Variants in BDNF observed in about 807,000 individuals in gnomAD.
BDNF encodes brain derived neurotrophic factor.
A neutral mutation model predicts 19.5 loss-of-function variants in BDNF; 1 was observed. The observed-to-expected ratio is 0.05, with a 90% confidence interval of 0.02 to 0.24. The LOEUF (loss-of-function observed/expected upper bound fraction) is 0.24, where lower values mean the gene tolerates loss of function less well. BDNF is among the 10% of genes least tolerant of loss of function. The pLI is 1.00. For synonymous variants in BDNF, 100 were observed against 121.6 expected (o/e 0.82, Z 1.17); for missense variants, 195 against 317.6 (o/e 0.61, Z 2.93).
chr11:27,701,867 C>A (rs1227908110), upstream of BDNF, among the ~76,000 whole-genome samples: 1 of 152,120 alleles, frequency 6.6e-6, no homozygotes, highest in Non-Finnish European at 1.5e-5. Flanking sequence ...AATAACGAAC[C>A]AGGGCAGCCA....
intron 1 of BDNF, among the ~76,000 whole-genome samples, chr11:27,689,613 G>A (rs1051752516): frequency 1.2e-4 from 19 of 152,210 alleles, no homozygotes; most frequent in Admixed American, 3.3e-4. Context: ...CAGTGACAGT[G>A]AAGGTTCTCC....
chr11:27,719,013 G>GGGTTAT, intron 1 of BDNF, among the ~76,000 whole-genome samples: 1 of 152,246 alleles, frequency 6.6e-6, no homozygotes, highest in Non-Finnish European at 1.5e-5. Flanking sequence ...GTGGGGGTGA[G>GGGTTAT]GGTTATAGGA....
In BDNF at chr11:27,665,529, A is replaced by G. The variant is rs1216236583; in HGVS notation, c.-21-6944T>C. On this transcript the variant is annotated intron_variant, in intron 1 of 1. Transcript: ENST00000356660. ...TTCCCTTTCCTAGCCAAGGGAAGCC[A>G]TGACTGACGGTACCTGGAAAATCAG... is the stretch of plus-strand genomic sequence containing the variant. 3.3e-5 allele frequency: 5 copies of G among 152,374 alleles called. 1 individual carries two copies. The highest frequency in any genetic ancestry group is 3.3e-4 in the Admixed American group (5 of 15,280). 9.4% of individuals were successfully genotyped at this position (152,374 alleles called of 1,614,324 possible). A position where few individuals can be genotyped will look rare whatever the true frequency, so the allele number is the denominator to read the frequency against.
Position 27,670,661 on chromosome 11 carries a change from CTCA to C in BDNF, c.-21-12079_-21-12077del, listed in dbSNP as rs1186798711. ...TAGCCAAAAGACACATGAAAAAATG[CTCA>C]TCATCACTGGCCATCAGAGAAATGC... On this transcript the variant is annotated intron_variant, in intron 1 of 1. Transcript: ENST00000356660. Among the ~76,000 whole-genome samples, 7 of 152,126 alleles carry C rather than the reference CTCA, an allele frequency of 4.6e-5. No individual in the cohort carries two copies. In the South Asian group the frequency reaches 8.3e-4, roughly 18 times the overall value.
At position 27,657,531 on chromosome 11, in the gene BDNF, T is replaced by C; in HGVS notation, c.*290A>G. 1 of 1,158,302 alleles carries C rather than the reference T, an allele frequency of 8.6e-7. No individual in the cohort carries two copies. Among genetic ancestry groups the C allele is most frequent in the Non-Finnish European group, 1.1e-6 (1 of 937,864 alleles). The allele number at this position is 1,158,302 out of a possible 1,614,324, so 71.8% of individuals were successfully genotyped here. Reference sequence around the variant, plus strand: ...CACAATTAAAGCAGCATGCAATTTATTATTTTTTTTAACTTTTTATGTTTT... The same window carrying C: ...CACAATTAAAGCAGCATGCAATTTACTATTTTTTTTAACTTTTTATGTTTT... On this transcript the variant is annotated 3_prime_UTR_variant, in exon 2 of 2. Coordinates refer to ENST00000356660, the MANE Select transcript of BDNF (RefSeq NM_001709.5). The surrounding 1 kb of genome is among the most constrained non-coding windows in gnomAD (Gnocchi z 5.0).
intron 1 of BDNF, among the ~76,000 whole-genome samples, chr11:27,711,690 C>A (rs1860335373): frequency 6.6e-6 from 1 of 152,162 alleles, no homozygotes; most frequent in Admixed American, 6.5e-5. Context: ...ATTCTCTGAG[C>A]TCTAGTTTTC....
chr11:27,701,845 G>A (rs1018708691), upstream of BDNF, among the ~76,000 whole-genome samples: 6 of 152,152 alleles, frequency 3.9e-5, no homozygotes, highest in East Asian at 1.2e-3. Context: ...ACACGTATAA[G>A]CTAACCCTTT....
At chr11:27,701,157 A>G (rs566156790), upstream of BDNF, 3 of 1,222,356 alleles carry the variant, frequency 2.5e-6, no homozygotes, top group East Asian at 1.7e-4. Flanking sequence ...TTTTTTATTG[A>G]TGAACGCCCC....
chr11:27,718,361 C>CCCCA (rs1554950428), intron 1 of BDNF, among the ~76,000 whole-genome samples: 1 of 144,160 alleles, frequency 6.9e-6, no homozygotes, highest in Non-Finnish European at 1.5e-5. Context: ...ACCACCCCCC[C>CCCCA]CCGCCCCTCC....
chr11:27,688,975 C>T (rs1390840522), intron 1 of BDNF, among the ~76,000 whole-genome samples: 4 of 152,174 alleles, frequency 2.6e-5, no homozygotes, highest in African/African-American at 9.7e-5. Context: ...TCATTTTTCC[C>T]TCTAAGAGTT....
At position 27,658,871 on chromosome 11, in the gene BDNF, CCTT is replaced by C. The variant is rs1808840167; in HGVS notation, c.-21-289_-21-287del. 6 of 1,295,504 alleles carry C rather than the reference CCTT, an allele frequency of 4.6e-6. No homozygotes were observed. The highest frequency in any genetic ancestry group is 1.5e-5 in the African/African-American group (1 of 66,448). 80.3% of individuals were successfully genotyped at this position (1,295,504 alleles called of 1,614,324 possible). ...TGCAAAAATTGTGGCTTCAAGTTCT[CCTT>C]CTTCCCACTTTAGCAGCTTTGTAAG... is the stretch of plus-strand genomic sequence containing the variant. On this transcript the variant is annotated intron_variant, in intron 1 of 1. Transcript: ENST00000356660. The surrounding 1 kb of genome is among the most constrained non-coding windows in gnomAD (Gnocchi z 5.7).
rs1333746118 is a variant in BDNF, at chr11:27,676,747, C to T, written c.-21-18162G>A. ...TAAAATCATTCCTCAAAAAAGCATC[C>T]CTTGAGTATGAAAGTTCCAAGCTTA... On this transcript the variant is annotated intron_variant, in intron 1 of 1. Transcript: ENST00000356660. Among the ~76,000 whole-genome samples, 4 of 152,020 alleles carry T rather than the reference C, an allele frequency of 2.6e-5. 1 individual carries two copies. The highest frequency in any genetic ancestry group is 1.5e-5 in the Non-Finnish European group (1 of 68,014).
chr11:27,673,344 C>A (rs1855656070), intron 1 of BDNF, among the ~76,000 whole-genome samples: 1 of 151,894 alleles, frequency 6.6e-6, no homozygotes, highest in South Asian at 2.1e-4. Flanking sequence ...AAAGGGAATC[C>A]CCCTTTAAGA....
At chr11:27,664,034 A>G (rs74637473) in intron 1 of BDNF, among the ~76,000 whole-genome samples, 5 of 122,606 alleles carry the variant, frequency 4.1e-5, no homozygotes, top group Non-Finnish European at 8.6e-5. Flanking sequence ...AGGCATACAG[A>G]AAAAAAAAAA....
At chr11:27,668,980 C>T (rs1407984696) in intron 1 of BDNF, among the ~76,000 whole-genome samples, 1 of 152,208 alleles carries the variant, frequency 6.6e-6, no homozygotes, top group East Asian at 1.9e-4. Context: ...AGGCCAATAT[C>T]CCTGATGAAG....
intron 1 of BDNF, among the ~76,000 whole-genome samples, chr11:27,691,928 C>A (rs962605150): frequency 1.3e-5 from 2 of 152,024 alleles, no homozygotes; most frequent in African/African-American, 4.8e-5. Flanking sequence ...AGCTACTGAA[C>A]CCTAAAAAAA....
upstream of BDNF, among the ~76,000 whole-genome samples, chr11:27,701,830 C>G (rs1248070873): frequency 6.6e-6 from 1 of 152,198 alleles, no homozygotes; most frequent in African/African-American, 2.4e-5. Flanking sequence ...CCAGCCCCAG[C>G]AAACACACGT....
At position 27,706,497 on chromosome 11, in the gene BDNF, G is replaced by A. The variant is rs116480486; in HGVS notation, c.3+14915C>T. Among the ~76,000 whole-genome samples, 653 of 152,278 alleles carry A rather than the reference G, an allele frequency of 4.3e-3. 4 individuals carry two copies. Among genetic ancestry groups the A allele is most frequent in the African/African-American group, 0.015 (607 of 41,532 alleles). ...CATTTCATTCAACCTTAGTGAAGATGGAGAACAGCTGCTTACTAACCTCCT... is the reference window on the plus strand; with the variant it reads ...CATTTCATTCAACCTTAGTGAAGATAGAGAACAGCTGCTTACTAACCTCCT... On this transcript the variant is annotated intron_variant, in intron 1 of 1. Coordinates refer to the BDNF transcript ENST00000314915.
At chr11:27,677,104 A>G (rs1197855279) in intron 1 of BDNF, 1 of 152,222 alleles carries the variant, frequency 6.6e-6, no homozygotes, top group Admixed American at 6.5e-5. Context: ...CAGCTCTTGC[A>G]ACTGTGCAGT....
Sources: gnomAD v4.1 joint callset for allele counts (sites outside exome capture counted in the v4.1 genomes callset) on GRCh38, gnomAD v4.1.1 for gene constraint, Gnocchi (gnomAD v3.1) non-coding constraint, MANE v1.5 for transcripts, NCBI Gene and HGNC (gene_info 2026-07-23, HGNC 2026-07-21) for gene names.